Variants in MS4A4A observed in about 807,000 individuals in gnomAD.
The protein encoded by MS4A4A is membrane spanning 4-domains A4A, also known as membrane-spanning 4-domains subfamily A member 4A.
MS4A4A carries 26 observed loss-of-function variants against 28.0 expected under a neutral mutation model. The observed-to-expected ratio is 0.93, with a 90% CI of 0.68 to 1.29. The LOEUF (loss-of-function observed/expected upper bound fraction) is 1.29, where lower values mean the gene tolerates loss of function less well. MS4A4A is among the 50% of genes most tolerant of loss of function. The probability of loss-of-function intolerance (pLI) is 0.00; values close to 1 mark genes in which losing one functional copy is unlikely to be tolerated. For missense variants in MS4A4A, 290 were observed against 293.1 expected (o/e 0.99, Z 0.08); for synonymous variants, 86 against 100.8 (o/e 0.85, Z 0.88).
chr11:60,308,130 T>C lies in MS4A4A; in HGVS notation c.672T>C (p.His224=). The change falls in exon 7 of 7, where the codon CAT becomes CAC. Residue 224 remains histidine (H), a synonymous_variant. Coordinates refer to ENST00000337908, the MANE Select transcript of MS4A4A (RefSeq NM_148975.3). Reference sequence around the variant, plus strand: ...AGGTTGTGTTAATTCTGCCATCACATTCTCACATGGCAGAAACAGCATCTC... The same window carrying C: ...AGGTTGTGTTAATTCTGCCATCACACTCTCACATGGCAGAAACAGCATCTC... ...PGGVVLILPS[H]SHMAETASPT... The C allele has an allele frequency of 6.2e-7, 1 of 1,614,044 alleles. No individual in the cohort carries two copies. The highest frequency in any genetic ancestry group is 1.1e-5 in the South Asian group (1 of 91,066).
At chr11:60,282,670 C>T (rs1279450180) in intron 1 of MS4A4A, 22 of 1,284,310 alleles carry the variant, frequency 1.7e-5, no homozygotes, top group Admixed American at 1.2e-4. Flanking sequence ...AATGAAATTA[C>T]GTCTTTGGAA....
At chr11:60,306,275 A>G (rs2085000780) in intron 6 of MS4A4A, 74 bp downstream of exon 6, 3 of 1,169,788 alleles carry the variant, frequency 2.6e-6, no homozygotes, top group South Asian at 2.5e-5. Context: ...ACACACTTAG[A>G]GTCTTAACAC....
At chr11:60,303,772 T>A (rs910090555) in intron 5 of MS4A4A, among the ~76,000 whole-genome samples, 1 of 152,170 alleles carries the variant, frequency 6.6e-6, no homozygotes, top group Non-Finnish European at 1.5e-5. Context: ...TTTCCCTCTA[T>A]ATGAACTTTC....
intron 6 of MS4A4A, among the ~76,000 whole-genome samples, chr11:60,307,494 C>G (rs1565150217): frequency 6.6e-6 from 1 of 152,114 alleles, no homozygotes; most frequent in East Asian, 1.9e-4. Context: ...AGTTTCATGT[C>G]ATAATATTTA....
chr11:60,291,405 CT>C (rs1268558568), intron 1 of MS4A4A, among the ~76,000 whole-genome samples: 2 of 152,096 alleles, frequency 1.3e-5, no homozygotes, highest in African/African-American at 4.8e-5. Flanking sequence ...ATTTTCAGCC[CT>C]GTGAATTTAA....
At chr11:60,297,077 AGAAG>A in intron 2 of MS4A4A, 116 bp from the exon 3 acceptor site, 2 of 1,181,434 alleles carry the variant, frequency 1.7e-6, no homozygotes, top group Non-Finnish European at 1.2e-6. Context: ...GAGAATACTA[AGAAG>A]GTCATATGAC....
intron 2 of MS4A4A, among the ~76,000 whole-genome samples, chr11:60,293,264 G>C (rs915101624): frequency 6.6e-6 from 1 of 152,100 alleles, no homozygotes; most frequent in Non-Finnish European, 1.5e-5. Context: ...CAGCATGTTG[G>C]TCAGGCTGGT....
chr11:60,304,039 C>T (rs111710653), intron 5 of MS4A4A, among the ~76,000 whole-genome samples: 228 of 152,248 alleles, frequency 1.5e-3, no homozygotes, highest in African/African-American at 5.2e-3. Flanking sequence ...TCTTGCCACT[C>T]GCTCAAAATA....
rs1432307500 is a variant in MS4A4A at position 60,280,732 on chromosome 11, T to G, written c.41+16T>G. On this transcript the variant is annotated intron_variant, in intron 1 of 6. Transcript: ENST00000337908. ...CTGAAGAAAGGTAGGTCCAGGGACT[T>G]GCCTTCCTAGGCTTTCGGGCTGATG... is the stretch of plus-strand genomic sequence containing the variant. 1 of 1,613,212 alleles carries G rather than the reference T, an allele frequency of 6.2e-7. No individual in the cohort carries two copies. The highest frequency in any genetic ancestry group is 8.5e-7 in the Non-Finnish European group (1 of 1,179,506).
At chr11:60,290,052 T>C (rs12279983) in intron 1 of MS4A4A, 64,140 of 437,644 alleles carry the variant, frequency 0.15, 5,197 homozygotes, top group Middle Eastern at 0.21. Flanking sequence ...CTTGCAGGCT[T>C]GTATCAAGGA....
chr11:60,291,829 A>G (rs190674086), intron 1 of MS4A4A, among the ~76,000 whole-genome samples: 9 of 152,144 alleles, frequency 5.9e-5, no homozygotes, highest in South Asian at 2.1e-4. Flanking sequence ...AAACTAAAAA[A>G]CAAAGTAATC....
At chr11:60,281,440 A>G (rs983409794) in intron 1 of MS4A4A, among the ~76,000 whole-genome samples, 8 of 152,186 alleles carry the variant, frequency 5.3e-5, no homozygotes, top group African/African-American at 1.9e-4. Flanking sequence ...ACACAAGTTA[A>G]CAAAAGGGCT....
intron 1 of MS4A4A, among the ~76,000 whole-genome samples, chr11:60,280,973 T>C (rs1204900175): frequency 1.3e-5 from 2 of 152,192 alleles, no homozygotes; most frequent in African/African-American, 4.8e-5. Flanking sequence ...ATAAGGTTGT[T>C]TAGTTACTTT....
At chr11:60,291,248 T>C (rs2135017310) in intron 1 of MS4A4A, among the ~76,000 whole-genome samples, 1 of 152,304 alleles carries the variant, frequency 6.6e-6, no homozygotes, top group Non-Finnish European at 1.5e-5. Context: ...AAGTTAGGAT[T>C]TAAAGCAATG....
chr11:60,283,116 A>T lies in MS4A4A; in HGVS notation c.41+2400A>T, dbSNP rs183651013. 2.5e-3 allele frequency among the ~76,000 whole-genome samples: 375 copies of T among 152,314 alleles called. 2 individuals are homozygous for T. Among genetic ancestry groups the T allele is most frequent in the Non-Finnish European group, 4.0e-3 (275 of 68,014 alleles). On this transcript the variant is annotated intron_variant, in intron 1 of 6. Coordinates refer to ENST00000337908, the MANE Select transcript of MS4A4A (RefSeq NM_148975.3). ...ACAAACTATCAGATATTTTTGAGAC[A>T]GGGTCTCACTGTGTTGCCCAGGCTG...
In MS4A4A at chr11:60,306,209, T is replaced by C. The variant is rs202068015; in HGVS notation, c.648+8T>C. ...TGTTGTACCCCTGGTGGGGTGAGTA[T>C]TGGCCTTCATTTGAAGATGACTGTA... On this transcript the variant is annotated splice_region_variant and intron_variant, in intron 6 of 6. Coordinates refer to ENST00000337908, the MANE Select transcript of MS4A4A (RefSeq NM_148975.3). 6.3e-7 allele frequency: 1 copy of C among 1,594,746 alleles called. No homozygotes were observed. The highest frequency in any genetic ancestry group is 8.6e-7 in the Non-Finnish European group (1 of 1,162,556).
In MS4A4A at chr11:60,282,723, AAGGAGAG is replaced by A. The variant is rs1185759579; in HGVS notation, c.41+2010_41+2016del. 1.6e-6 allele frequency: 2 copies of A among 1,274,788 alleles called. 1 individual carries two copies. Among genetic ancestry groups the A allele is most frequent in the Middle Eastern group, 4.3e-4 (2 of 4,644 alleles). 79.0% of individuals were successfully genotyped at this position (1,274,788 alleles called of 1,614,324 possible). On this transcript the variant is annotated intron_variant, in intron 1 of 6. Transcript: ENST00000337908. ...ATATACTTGGAGCTTTAAAAATTAA[AAGGAGAG>A]AGATTCGAGGTAAGACTACAATAGA...
In MS4A4A at chr11:60,297,182, C is replaced by T. The variant is rs1330147188; in HGVS notation, c.202-15C>T. 6.2e-7 allele frequency: 1 copy of T among 1,612,014 alleles called. No homozygotes were observed. The highest frequency in any genetic ancestry group is 1.3e-5 in the African/African-American group (1 of 74,858). ...GTGGTGGACAATCAGTTTTTGCTTTCTTCACCATTTTTAGGTTGTGCAGAT... is the reference window on the plus strand; with the variant it reads ...GTGGTGGACAATCAGTTTTTGCTTTTTTCACCATTTTTAGGTTGTGCAGAT... On this transcript the variant is annotated splice_polypyrimidine_tract_variant and intron_variant, in intron 2 of 6. Transcript: ENST00000337908.
chr11:60,289,530 A>G (rs1256148608), intron 1 of MS4A4A, among the ~76,000 whole-genome samples: 2 of 149,880 alleles, frequency 1.3e-5, no homozygotes, highest in East Asian at 3.9e-4. Flanking sequence ...GCTCTTCTTT[A>G]GTTACTTTAG....
Sources: gnomAD v4.1 joint callset for allele counts (sites outside exome capture counted in the v4.1 genomes callset) on GRCh38, gnomAD v4.1.1 for gene constraint, MANE v1.5 for transcripts, NCBI Gene and HGNC (gene_info 2026-07-23, HGNC 2026-07-21) for gene names.